Variants in FHAD1 observed in about 807,000 individuals in gnomAD.
The protein encoded by FHAD1 is forkhead associated phosphopeptide binding domain 1.
In FHAD1, 146 loss-of-function variants were observed where a neutral mutation model predicts 191.3. The observed-to-expected ratio is 0.76, with a 90% CI of 0.67 to 0.88. FHAD1 has a LOEUF of 0.88. Ranked by LOEUF, FHAD1 falls within the 40% of genes least tolerant of loss-of-function variation. The probability of loss-of-function intolerance (pLI) is 0.00; values close to 1 mark genes in which losing one functional copy is unlikely to be tolerated. For synonymous variants in FHAD1, 616 were observed against 672.3 expected (o/e 0.92, Z 1.29); for missense variants, 1,635 against 1,785.8 (o/e 0.92, Z 1.52).
Position 15,289,626 on chromosome 1 carries a change from C to A in FHAD1, c.528C>A (p.Phe176Leu). 20 of 1,551,148 alleles carry A rather than the reference C, an allele frequency of 1.3e-5. No individual in the cohort carries two copies. The highest frequency in any genetic ancestry group is 1.7e-5 in the Non-Finnish European group (20 of 1,146,500). Residue 176 changes from phenylalanine to leucine, a missense_variant, in exon 4 of 34, where the codon TTC (phenylalanine) becomes TTA (leucine). Coordinates refer to ENST00000688493, the MANE Select transcript of FHAD1 (RefSeq NM_001391957.1). The surrounding 1 kb of genome is among the most constrained non-coding windows in gnomAD (Gnocchi z 4.2). ...PVSANKEMFSFVVDDARKPPV... is the reference protein window; with the variant it reads ...PVSANKEMFSLVVDDARKPPV... ...GCGCCAACAAGGAGATGTTCTCGTT[C>A]GTGGTGGACGACGCCCGCAAGCCAC...
At position 15,247,279 on chromosome 1, in the gene FHAD1, A is replaced by G. The variant is rs1780598; in HGVS notation, c.-131A>G. 0.53 allele frequency: 103,325 copies of G among 194,094 alleles called. 28,717 individuals are homozygous for G. The highest frequency in any genetic ancestry group is 0.69 in the African/African-American group (28,866 of 41,670). The allele number at this position is 194,094 out of a possible 1,614,324, so 12.0% of individuals were successfully genotyped here. A position where few individuals can be genotyped will look rare whatever the true frequency, so the allele number is the denominator to read the frequency against. On this transcript the variant is annotated 5_prime_UTR_variant, in exon 1 of 34. Coordinates refer to ENST00000688493, the MANE Select transcript of FHAD1 (RefSeq NM_001391957.1). Reference sequence around the variant, plus strand: ...CCGGGCGGGCGGGGTGCCGGGTGCGAGCTGGAGACTCCGCGGGAGCGCGGC... The same window carrying G: ...CCGGGCGGGCGGGGTGCCGGGTGCGGGCTGGAGACTCCGCGGGAGCGCGGC...
intron 9 of FHAD1, among the ~76,000 whole-genome samples, chr1:15,317,004 G>A (rs1473489734): frequency 1.3e-5 from 2 of 152,138 alleles, no homozygotes. Flanking sequence ...TGGGGAACAC[G>A]GTGAAACCCC....
intron 8 of FHAD1, among the ~76,000 whole-genome samples, chr1:15,314,887 C>T (rs573163986): frequency 2.8e-3 from 197 of 70,978 alleles, no homozygotes; most frequent in Non-Finnish European, 4.6e-3. Flanking sequence ...TATGGGGGTG[C>T]GTGTGGGGTG....
intron 10 of FHAD1, among the ~76,000 whole-genome samples, chr1:15,319,922 A>G (rs906559947): frequency 1.3e-5 from 2 of 152,236 alleles, no homozygotes; most frequent in African/African-American, 4.8e-5. Context: ...ATGAAAATGA[A>G]CTTGCTATGG....
chr1:15,330,821 G>A (rs1168224409), intron 14 of FHAD1, among the ~76,000 whole-genome samples: 1 of 152,162 alleles, frequency 6.6e-6, no homozygotes, highest in Non-Finnish European at 1.5e-5. Flanking sequence ...GCAGAGAGAA[G>A]CCTGTGAAAG....
In FHAD1 at chr1:15,272,184, C is replaced by A. The variant is rs1656334780; in HGVS notation, c.94-139C>A. 1.0e-5 allele frequency: 8 copies of A among 778,902 alleles called. No individual in the cohort carries two copies. In the South Asian group the frequency reaches 1.0e-4, roughly 10 times the overall value. The allele number at this position is 778,902 out of a possible 1,614,324, so 48.2% of individuals were successfully genotyped here. On this transcript the variant is annotated intron_variant, in intron 2 of 33. Transcript: ENST00000688493. ...GGGCAAGTCGCTTAACCTCTCTGAT[C>A]CTCAGCCTCCTCCTTTTAAAATGAG...
At position 15,289,076 on chromosome 1, in the gene FHAD1, C is replaced by T. The variant is rs749967528; in HGVS notation, c.301-323C>T. Among the ~76,000 whole-genome samples the T allele has an allele frequency of 1.2e-4, 19 of 152,182 alleles. No homozygotes were observed. Among genetic ancestry groups the T allele is most frequent in the Non-Finnish European group, 2.5e-4 (17 of 68,006 alleles). On this transcript the variant is annotated intron_variant, in intron 3 of 33. Coordinates refer to ENST00000688493, the MANE Select transcript of FHAD1 (RefSeq NM_001391957.1). This position sits in a 1 kb window ranked among gnomAD's most constrained non-coding sequence, Gnocchi z 4.2. ...CACAGCTCACTGCAGCCTCTACTTC[C>T]TAGGCTCAGGTGATCCTCCCACCTC...
downstream of FHAD1, among the ~76,000 whole-genome samples, chr1:15,400,703 G>A (rs777438914): frequency 2.0e-5 from 3 of 152,232 alleles, no homozygotes; most frequent in Non-Finnish European, 4.4e-5. Flanking sequence ...CACTGAGGTT[G>A]AGAAACCTGG....
chr1:15,347,172 C>G (rs1689201374), intron 18 of FHAD1, among the ~76,000 whole-genome samples: 1 of 152,206 alleles, frequency 6.6e-6, no homozygotes, highest in South Asian at 2.1e-4. Flanking sequence ...AGGTTTGCCC[C>G]CAAGTGATTT....
chr1:15,345,672 C>T (rs975815896), intron 18 of FHAD1, 149 bp downstream of exon 18: 11 of 658,792 alleles, frequency 1.7e-5, no homozygotes, highest in East Asian at 2.7e-5. Flanking sequence ...CTTTGGGAAG[C>T]GTGGGAGACT....
At chr1:15,384,071 T>TTGTG (rs1392425883) in intron 31 of FHAD1, 2 of 177,240 alleles carry the variant, frequency 1.1e-5, no homozygotes, top group Non-Finnish European at 2.5e-5. Flanking sequence ...GTGTGTGTGT[T>TTGTG]TGTGTGTGTT....
chr1:15,238,447 G>C (rs1197379624), intron 1 of FHAD1, among the ~76,000 whole-genome samples: 2 of 152,122 alleles, frequency 1.3e-5, no homozygotes, highest in Non-Finnish European at 2.9e-5. Flanking sequence ...GCTGTTGATG[G>C]AAACTCAGGG....
chr1:15,269,592 A>G (rs561542167), intron 2 of FHAD1, among the ~76,000 whole-genome samples: 7 of 152,166 alleles, frequency 4.6e-5, no homozygotes, highest in Non-Finnish European at 5.9e-5. Flanking sequence ...GGTATAGCTT[A>G]GTGAGTGTTC....
chr1:15,380,678 C>A (rs1312330414), intron 28 of FHAD1, 23 bp from the exon 29 acceptor site: 1 of 1,541,530 alleles, frequency 6.5e-7, no homozygotes, highest in African/African-American at 1.4e-5. Flanking sequence ...CAAGAGAGGC[C>A]TTTCATTTCT....
At chr1:15,356,018 C>T (rs1010248917) in intron 20 of FHAD1, among the ~76,000 whole-genome samples, 2 of 151,072 alleles carry the variant, frequency 1.3e-5, no homozygotes, top group African/African-American at 4.9e-5. Context: ...CCACTATCGA[C>T]ATTTTGATGT....
intron 6 of FHAD1, among the ~76,000 whole-genome samples, chr1:15,302,277 A>G (rs1276493433): frequency 6.6e-6 from 1 of 152,264 alleles, no homozygotes; most frequent in East Asian, 1.9e-4. Flanking sequence ...TTCCAAACAC[A>G]GAGGCCTTTA....
chr1:15,267,776 A>G (rs1450835553), intron 2 of FHAD1, among the ~76,000 whole-genome samples: 1 of 141,448 alleles, frequency 7.1e-6, no homozygotes, highest in Non-Finnish European at 1.6e-5. Context: ...ATTATAAATA[A>G]TATATAAAAT....
chr1:15,251,807 C>T lies in FHAD1; in HGVS notation c.23C>T (p.Ala8Val). The T allele has an allele frequency of 6.4e-7, 1 of 1,552,148 alleles. No individual in the cohort carries two copies. MKAYLKS[A>V]EGFFVLNKST... ...AGGATGAAGGCCTATCTAAAGAGCG[C>T]AGAAGGCTTTTTTGTCCTAAATAAA... The change falls in exon 2 of 34, where the codon GCA becomes GTA. Residue 8 changes from alanine (A) to valine (V), a missense_variant. Physicochemically the swap from Ala to Val is moderately conservative, Grantham distance 64 (BLOSUM62 0). Coordinates refer to ENST00000688493, the MANE Select transcript of FHAD1 (RefSeq NM_001391957.1).
intron 28 of FHAD1, among the ~76,000 whole-genome samples, chr1:15,377,816 A>C (rs1345943502): frequency 6.6e-6 from 1 of 152,138 alleles, no homozygotes; most frequent in Non-Finnish European, 1.5e-5. Context: ...TGGGTGACAG[A>C]ATGAGACTTT....
Sources: allele counts gnomAD v4.1 joint callset (sites outside exome capture counted in the v4.1 genomes callset), GRCh38; gene constraint gnomAD v4.1.1; non-coding constraint Gnocchi (gnomAD v3.1); transcripts MANE v1.5; gene names NCBI Gene and HGNC (gene_info 2026-07-23, HGNC 2026-07-21).